Variants in PREX2 observed in about 807,000 individuals in gnomAD.
The protein encoded by PREX2 is phosphatidylinositol-3,4,5-trisphosphate dependent Rac exchange factor 2.
Under a neutral mutation model 203.2 loss-of-function variants are expected in PREX2, and 107 were observed. The observed-to-expected ratio is 0.53, with a 90% confidence interval of 0.45 to 0.62. The LOEUF is 0.62. Ranked by LOEUF, PREX2 falls within the 20% of genes least tolerant of loss-of-function variation. The pLI, the probability that PREX2 is intolerant of heterozygous loss-of-function variation, is 0.00. For missense variants in PREX2, 1,777 were observed against 1,955.9 expected, an observed-to-expected ratio of 0.91 and a Z score of 1.72; for synonymous variants, 672 against 663.6, an observed-to-expected ratio of 1.01 and a Z score of -0.19.
rs927714846 is a variant in PREX2, at chr8:68,021,836, C to T, written c.337-200C>T. 2.0e-5 allele frequency among the ~76,000 whole-genome samples: 3 copies of T among 152,280 alleles called. No homozygotes were observed. In the East Asian group the frequency reaches 5.8e-4, roughly 29 times the overall value. On this transcript the variant is annotated intron_variant, in intron 3 of 39. Transcript: ENST00000288368. ...TTGAATTCATCACAATGGAGTATAA[C>T]TGATATACGTCTATCTCCCTTTTTA...
At chr8:68,211,597 T>C (rs1462289227) in intron 37 of PREX2, among the ~76,000 whole-genome samples, 2 of 152,216 alleles carry the variant, frequency 1.3e-5, no homozygotes, top group African/African-American at 4.8e-5. Context: ...ACAGAGGAGA[T>C]GCAGCCTGAG....
intron 11 of PREX2, among the ~76,000 whole-genome samples, chr8:68,061,814 A>C (rs560069845): frequency 1.3e-5 from 2 of 152,158 alleles, no homozygotes; most frequent in Non-Finnish European, 2.9e-5. Context: ...TGAGAAACAC[A>C]TTTGGAATCA....
intron 39 of PREX2, among the ~76,000 whole-genome samples, chr8:68,226,831 T>G (rs1277184006): frequency 6.6e-6 from 1 of 152,182 alleles, no homozygotes; most frequent in African/African-American, 2.4e-5. Flanking sequence ...AGGGACATAA[T>G]GCAGCCTAAG....
At chr8:68,119,613 G>A in intron 28 of PREX2, 99 bp downstream of exon 28, 2 of 813,214 alleles carry the variant, frequency 2.5e-6, no homozygotes, top group South Asian at 3.1e-5. Flanking sequence ...GAACAGAAAG[G>A]CCTCAATCTG....
At chr8:68,116,834 A>G (rs1810669670) in intron 26 of PREX2, among the ~76,000 whole-genome samples, 1 of 152,142 alleles carries the variant, frequency 6.6e-6, no homozygotes, top group Admixed American at 6.5e-5. Flanking sequence ...ACCTAGTTCA[A>G]CCCAAAATAC....
chr8:68,052,709 C>A (rs1399884304), intron 8 of PREX2, among the ~76,000 whole-genome samples: 3 of 152,056 alleles, frequency 2.0e-5, no homozygotes, highest in Admixed American at 6.6e-5. Context: ...AATGCTATTT[C>A]AAAGAAACAT....
intron 26 of PREX2, among the ~76,000 whole-genome samples, chr8:68,116,836 C>T (rs1328046425): frequency 6.6e-6 from 1 of 152,084 alleles, no homozygotes; most frequent in African/African-American, 2.4e-5. Context: ...CTAGTTCAAC[C>T]CAAAATACTT....
intron 39 of PREX2, 132 bp from the exon 40 acceptor site, chr8:68,231,201 A>T: frequency 3.5e-6 from 2 of 574,962 alleles, no homozygotes; most frequent in Non-Finnish European, 5.5e-6. Context: ...TGTTATTTTT[A>T]GTGAAATAGA....
At chr8:68,066,086 A>G (rs1278485510) in intron 11 of PREX2, among the ~76,000 whole-genome samples, 2 of 152,166 alleles carry the variant, frequency 1.3e-5, no homozygotes, top group African/African-American at 2.4e-5. Flanking sequence ...AGTATGGAAT[A>G]CATTATATCA....
At position 67,952,286 on chromosome 8, in the gene PREX2, G is replaced by T; in HGVS notation, c.-109G>T. 1.1e-6 allele frequency: 1 copy of T among 911,552 alleles called. No individual in the cohort carries two copies. The highest frequency in any genetic ancestry group is 1.5e-6 in the Non-Finnish European group (1 of 681,998). The allele number at this position is 911,552 out of a possible 1,614,324, so 56.5% of individuals were successfully genotyped here. A position where few individuals can be genotyped will look rare whatever the true frequency, so the allele number is the denominator to read the frequency against. Reference sequence around the variant, plus strand: ...AAGTCTTCTGTCTCTCCTCGGAGTTGGCGGAGGCGGCAACTTTCCATTCTC... The same window carrying T: ...AAGTCTTCTGTCTCTCCTCGGAGTTTGCGGAGGCGGCAACTTTCCATTCTC... On this transcript the variant is annotated 5_prime_UTR_variant, in exon 1 of 40. Transcript: ENST00000288368.
chr8:68,058,615 A>G (rs1232578839), intron 10 of PREX2, among the ~76,000 whole-genome samples: 1 of 151,932 alleles, frequency 6.6e-6, no homozygotes, highest in Non-Finnish European at 1.5e-5. Flanking sequence ...TTAAATTTTT[A>G]GTAGAGACAG....
In PREX2 at chr8:68,087,748, T is replaced by C. The variant is rs1341081578; in HGVS notation, c.2052T>C (p.Ala684=). ...PRETVKIPDS[A]DGLGFQIRGF... is the part of the protein sequence containing the mutation. ...GGACAGTGAAAATTCCAGATTCAGC[T>C]GATGGACTTGGCTTCCAGATCCGGG... Residue 684 remains alanine (A), a synonymous_variant, in exon 19 of 40, where the codon GCT becomes GCC. Coordinates refer to ENST00000288368, the MANE Select transcript of PREX2 (RefSeq NM_024870.4). The C allele has an allele frequency of 1.2e-6, 2 of 1,613,778 alleles. No individual in the cohort carries two copies. Among genetic ancestry groups the C allele is most frequent in the Non-Finnish European group, 8.5e-7 (1 of 1,179,656 alleles).
chr8:68,128,698 C>T (rs545995586), intron 31 of PREX2, among the ~76,000 whole-genome samples: 1 of 152,278 alleles, frequency 6.6e-6, no homozygotes, highest in East Asian at 1.9e-4. Flanking sequence ...TGTCGAAGAG[C>T]TTGCCACCTT....
Position 68,081,644 on chromosome 8 carries a change from A to G in PREX2, c.1878+806A>G, listed in dbSNP as rs563313914. ...ATATGAGTATAACTTTCATCACCAAAGGACATGCTTTAACTATTTTCTCAT... is the reference window on the plus strand; with the variant it reads ...ATATGAGTATAACTTTCATCACCAAGGGACATGCTTTAACTATTTTCTCAT... On this transcript the variant is annotated intron_variant, in intron 17 of 39. Transcript: ENST00000288368. Among the ~76,000 whole-genome samples, 3 of 152,296 alleles carry G rather than the reference A, an allele frequency of 2.0e-5. No individual in the cohort carries two copies. The East Asian group carries it at 5.8e-4, about 29-fold the overall frequency.
intron 26 of PREX2, 45 bp from the exon 27 acceptor site, chr8:68,118,505 T>C (rs775971765): frequency 1.6e-6 from 2 of 1,282,206 alleles, no homozygotes; most frequent in African/African-American, 2.9e-5. Flanking sequence ...CAGGGACACC[T>C]GGGCAGATGC....
At chr8:68,123,370 C>A (rs1810818121) in intron 30 of PREX2, among the ~76,000 whole-genome samples, 1 of 151,724 alleles carries the variant, frequency 6.6e-6, no homozygotes. Context: ...TGCCAGAGGA[C>A]AAGAAATAAC....
chr8:68,083,900 G>A (rs1449185792), intron 18 of PREX2, among the ~76,000 whole-genome samples: 1 of 152,128 alleles, frequency 6.6e-6, no homozygotes, highest in Non-Finnish European at 1.5e-5. Flanking sequence ...AAAAAGTTAT[G>A]TTTATTATAG....
chr8:68,027,004 G>A (rs1359214369), intron 4 of PREX2, among the ~76,000 whole-genome samples: 1 of 151,886 alleles, frequency 6.6e-6, no homozygotes, highest in Admixed American at 6.6e-5. Context: ...GAGAATATAG[G>A]TGCATTAATT....
chr8:68,057,041 C>T (rs1430115493), intron 10 of PREX2, among the ~76,000 whole-genome samples: 1 of 152,146 alleles, frequency 6.6e-6, no homozygotes, highest in Non-Finnish European at 1.5e-5. Context: ...CAAATCTCAT[C>T]TTGAGTTATA....
Sources: gnomAD v4.1 joint callset for allele counts (sites outside exome capture counted in the v4.1 genomes callset) on GRCh38, gnomAD v4.1.1 for gene constraint, MANE v1.5 for transcripts, NCBI Gene and HGNC (gene_info 2026-07-23, HGNC 2026-07-21) for gene names.